The following ELFN1 variants were observed in gnomAD, a reference collection of about 807,000 sequenced individuals.
ELFN1 encodes protein ELFN1.
Under a neutral mutation model 7.6 loss-of-function variants are expected in ELFN1, and 6 were observed. The ratio of observed to expected loss-of-function variants is 0.79; its 90% CI spans 0.43 to 1.56. ELFN1 has a LOEUF of 1.56. ELFN1 is among the 40% of genes most tolerant of loss of function. ELFN1 has a pLI of 0.01. For synonymous variants in ELFN1, 657 were observed against 588.1 expected (o/e 1.12, Z -1.70); for missense variants, 1,169 against 1,232.2 (o/e 0.95, Z 0.77).
Position 1,705,818 on chromosome 7 carries a change from G to A in ELFN1, c.-455-3273G>A, listed in dbSNP as rs1407332820. 6.6e-6 allele frequency among the ~76,000 whole-genome samples: 1 copy of A among 152,162 alleles called. No individual in the cohort carries two copies. The highest frequency in any genetic ancestry group is 2.4e-5 in the African/African-American group (1 of 41,432). Reference sequence around the variant, plus strand: ...CCTCGGGGAGGTCTGATGAGCCCCCGAATATCACAGACAAAACTGCCTGTG... The same window carrying A: ...CCTCGGGGAGGTCTGATGAGCCCCCAAATATCACAGACAAAACTGCCTGTG... On this transcript the variant is annotated intron_variant, in intron 2 of 3. Transcript: ENST00000424383. The surrounding 1 kb of genome is among the most constrained non-coding windows in gnomAD (Gnocchi z 4.3).
chr7:1,678,871 C>T (rs919008261), intron 1 of ELFN1, among the ~76,000 whole-genome samples: 15 of 152,198 alleles, frequency 9.9e-5, no homozygotes, highest in African/African-American at 2.2e-4. Context: ...GTGCGGGCAT[C>T]GCGTGGACAC....
rs568720808 is a variant in ELFN1, at chr7:1,725,291, G to T, written c.-294+16039G>T. Among the ~76,000 whole-genome samples the T allele has an allele frequency of 3.9e-5, 6 of 152,350 alleles. No homozygotes were observed. In the South Asian group the frequency reaches 1.2e-3, roughly 32 times the overall value. On this transcript the variant is annotated intron_variant, in intron 3 of 3. Transcript: ENST00000424383. ...AGGGAGGCTGCCCGGCCAGAATCCC[G>T]CCCACAGCTGGTGCTGGGGCTCCTG...
intron 3 of ELFN1, among the ~76,000 whole-genome samples, chr7:1,738,200 G>A (rs1319970580): frequency 1.3e-5 from 2 of 152,200 alleles, no homozygotes; most frequent in Admixed American, 6.5e-5. Context: ...GTCCCATGGC[G>A]TGGCCTGTGG....
At chr7:1,729,016 G>A (rs558421588) in intron 3 of ELFN1, among the ~76,000 whole-genome samples, 4 of 152,142 alleles carry the variant, frequency 2.6e-5, no homozygotes, top group Non-Finnish European at 5.9e-5. Context: ...CCCAGCTGGG[G>A]AGCAGCCGGC....
Position 1,745,096 on chromosome 7 carries a change from G to T in ELFN1, c.500G>T (p.Arg167Leu). Residue 167 changes from arginine (R) to leucine (L), a missense_variant, in exon 4 of 4, where the codon CGC becomes CTC. Arg to Leu is a moderately radical substitution (Grantham distance 102). Coordinates refer to ENST00000424383, the MANE Select transcript of ELFN1 (RefSeq NM_001128636.4). Reference protein sequence around the residue: ...NIVNIDLSMNRIQQLNSGTFA... With the variant: ...NIVNIDLSMNLIQQLNSGTFA... ...GTCAACATCGACCTGTCCATGAACC[G>T]CATCCAGCAGCTCAACAGCGGCACC... 1 of 1,551,006 alleles carries T rather than the reference G, an allele frequency of 6.4e-7. No individual in the cohort carries two copies. Among genetic ancestry groups the T allele is most frequent in the Non-Finnish European group, 8.7e-7 (1 of 1,146,992 alleles).
intron 3 of ELFN1, among the ~76,000 whole-genome samples, chr7:1,733,026 G>A (rs753868425): frequency 3.9e-5 from 6 of 152,030 alleles, no homozygotes; most frequent in Non-Finnish European, 8.8e-5. Context: ...TCAGCCTTCC[G>A]AGTAGCTGGG....
intron 2 of ELFN1, among the ~76,000 whole-genome samples, chr7:1,690,438 T>C (rs1317200518): frequency 6.8e-6 from 1 of 146,796 alleles, no homozygotes; most frequent in Non-Finnish European, 1.5e-5. Flanking sequence ...GGTGAATGGA[T>C]GGATGAAGGA....
intron 2 of ELFN1, chr7:1,693,769 G>A: frequency 2.1e-6 from 1 of 470,998 alleles, no homozygotes; most frequent in Non-Finnish European, 4.4e-6. Context: ...GGGAGACCCT[G>A]ATCAGTGCTG....
At chr7:1,672,114 G>C (rs1245311775) in intron 1 of ELFN1, among the ~76,000 whole-genome samples, 1 of 152,130 alleles carries the variant, frequency 6.6e-6, no homozygotes, top group Non-Finnish European at 1.5e-5. Flanking sequence ...CAGCAGGCTC[G>C]GCAGGCAGCT....
chr7:1,690,621 T>C (rs1310304400), intron 2 of ELFN1, among the ~76,000 whole-genome samples: 1 of 144,724 alleles, frequency 6.9e-6, no homozygotes, highest in Non-Finnish European at 1.5e-5. Context: ...GATAAATGGA[T>C]GGATGAAGGA....
intron 2 of ELFN1, among the ~76,000 whole-genome samples, chr7:1,697,601 C>T (rs1248209824): frequency 6.6e-6 from 1 of 152,108 alleles, no homozygotes; most frequent in African/African-American, 2.4e-5. Context: ...TTGGGAAAAT[C>T]GGTATTTGCC....
rs183382856 is a variant in ELFN1, at chr7:1,747,566, C to T, written c.*483C>T. The T allele has an allele frequency of 5.1e-3, 840 of 166,010 alleles. 9 individuals are homozygous for T. Among genetic ancestry groups the T allele is most frequent in the Middle Eastern group, 0.014 (4 of 294 alleles). 10.3% of individuals were successfully genotyped at this position (166,010 alleles called of 1,614,324 possible). A position where few individuals can be genotyped will look rare whatever the true frequency, so the allele number is the denominator to read the frequency against. On this transcript the variant is annotated 3_prime_UTR_variant, in exon 4 of 4. Transcript: ENST00000424383. Reference sequence around the variant, plus strand: ...CACCTCGGGGCCCCTCACGTGATCTCCTCGGTCCGTGGTTTTCTGTGGATT... The same window carrying T: ...CACCTCGGGGCCCCTCACGTGATCTTCTCGGTCCGTGGTTTTCTGTGGATT...
In ELFN1 at chr7:1,671,373, A is replaced by G. The variant is rs544889908; in HGVS notation, c.-549+1019A>G. 1.4e-4 allele frequency among the ~76,000 whole-genome samples: 21 copies of G among 152,164 alleles called. No individual in the cohort carries two copies. The South Asian group carries it at 4.2e-3, about 30-fold the overall frequency. Reference sequence around the variant, plus strand: ...GCCGAGCCAGGTGTGCACGTCCTCAAAAAGCCTCCGTGCCAGCACTTTCCC... The same window carrying G: ...GCCGAGCCAGGTGTGCACGTCCTCAGAAAGCCTCCGTGCCAGCACTTTCCC... On this transcript the variant is annotated intron_variant, in intron 1 of 3. Coordinates refer to ENST00000424383, the MANE Select transcript of ELFN1 (RefSeq NM_001128636.4).
Position 1,739,611 on chromosome 7 carries a change from G to A in ELFN1, c.-293-4693G>A, listed in dbSNP as rs117198259. On this transcript the variant is annotated intron_variant, in intron 3 of 3. Coordinates refer to ENST00000424383, the MANE Select transcript of ELFN1 (RefSeq NM_001128636.4). The surrounding 1 kb of genome is among the most constrained non-coding windows in gnomAD (Gnocchi z 4.6). ...AGAGGAGGCAGTGAGGACCGAGCCT[G>A]GCCTGGAACATGTGGAGTCGTGGGG... The A allele has an allele frequency of 4.0e-3, 625 of 154,382 alleles. 2 individuals are homozygous for A. Among genetic ancestry groups the A allele is most frequent in the Non-Finnish European group, 6.2e-3 (429 of 69,534 alleles). The allele number at this position is 154,382 out of a possible 1,614,324, so 9.6% of individuals were successfully genotyped here. A position where few individuals can be genotyped will look rare whatever the true frequency, so the allele number is the denominator to read the frequency against.
chr7:1,724,824 C>T (rs2128595266), intron 3 of ELFN1, among the ~76,000 whole-genome samples: 1 of 152,342 alleles, frequency 6.6e-6, no homozygotes, highest in Middle Eastern at 3.4e-3. Context: ...CTGTGCCTCA[C>T]ACCCACCTCC....
At chr7:1,698,673 G>A (rs1056868185) in intron 2 of ELFN1, among the ~76,000 whole-genome samples, 2 of 152,214 alleles carry the variant, frequency 1.3e-5, no homozygotes, top group Non-Finnish European at 2.9e-5. Flanking sequence ...GATGTAAACT[G>A]TGGCTCCACC....
chr7:1,746,789 G>A lies in ELFN1; in HGVS notation c.2193G>A (p.Gly731=). 3.3e-6 allele frequency: 5 copies of A among 1,528,226 alleles called. No individual in the cohort carries two copies. The highest frequency in any genetic ancestry group is 4.4e-6 in the Non-Finnish European group (5 of 1,141,580). 94.7% of individuals were successfully genotyped at this position (1,528,226 alleles called of 1,614,324 possible). Residue 731 remains glycine, a synonymous_variant, in exon 4 of 4, where the codon GGG becomes GGA. Transcript: ENST00000424383. ...CGCCGCCTCCGCACGAGGGCCTGGG[G>A]CGCAAGGCGTCCATCCTGGAGCCAC... ...PPPPPPHEGL[G]RKASILEPLT...
chr7:1,687,797 G>C (rs547165287), intron 1 of ELFN1, among the ~76,000 whole-genome samples: 2 of 152,246 alleles, frequency 1.3e-5, no homozygotes, highest in East Asian at 3.9e-4. Flanking sequence ...AGCATTACTA[G>C]TGAACACCTT....
At chr7:1,719,142 GCCA>G (rs1298263306) in intron 3 of ELFN1, among the ~76,000 whole-genome samples, 1 of 132,476 alleles carries the variant, frequency 7.5e-6, no homozygotes, top group African/African-American at 3.4e-5. Context: ...CAGGACCCAA[GCCA>G]CCAACAGGGC....
Sources: allele counts gnomAD v4.1 joint callset (sites outside exome capture counted in the v4.1 genomes callset), GRCh38; gene constraint gnomAD v4.1.1; non-coding constraint Gnocchi (gnomAD v3.1); transcripts MANE v1.5; gene names NCBI Gene and HGNC (gene_info 2026-07-23, HGNC 2026-07-21).